The following FSTL5 variants were observed in gnomAD, a reference collection of about 807,000 sequenced individuals.
The protein encoded by FSTL5 is follistatin-related protein 5.
In FSTL5, 62 loss-of-function variants were observed where a neutral mutation model predicts 89.1. The observed-to-expected ratio is 0.70, with a 90% confidence interval of 0.57 to 0.86. The LOEUF (loss-of-function observed/expected upper bound fraction) is 0.86, where lower values mean the gene tolerates loss of function less well. FSTL5 is among the 40% of genes least tolerant of loss of function. The probability of loss-of-function intolerance (pLI) is 0.00; values close to 1 mark genes in which losing one functional copy is unlikely to be tolerated. For synonymous variants in FSTL5, 383 were observed against 346.2 expected, an observed-to-expected ratio of 1.11 and a Z score of -1.18; for missense variants, 1,057 against 1,001.6, an observed-to-expected ratio of 1.06 and a Z score of -0.75.
intron 4 of FSTL5, among the ~76,000 whole-genome samples, 181 bp downstream of exon 4, chr4:161,920,223 A>G (rs1027962520): frequency 1.3e-5 from 2 of 152,174 alleles, no homozygotes; most frequent in African/African-American, 2.4e-5. Context: ...TCATAACTGA[A>G]TATCAGAATT....
chr4:161,871,162 G>T (rs1191263773), intron 4 of FSTL5, among the ~76,000 whole-genome samples: 2 of 151,950 alleles, frequency 1.3e-5, no homozygotes, highest in African/African-American at 4.8e-5. Context: ...CTCTACTTCA[G>T]TTTATTTGTT....
intron 4 of FSTL5, among the ~76,000 whole-genome samples, chr4:161,817,311 G>A (rs1172431060): frequency 6.6e-6 from 1 of 152,120 alleles, no homozygotes; most frequent in East Asian, 1.9e-4. Flanking sequence ...ATACATTCAG[G>A]GTCAGTGATG....
In FSTL5 at chr4:161,702,024, T is replaced by G. The variant is rs562434339; in HGVS notation, c.728-45530A>C. On this transcript the variant is annotated intron_variant, in intron 6 of 15. Transcript: ENST00000306100. Reference sequence around the variant, plus strand: ...TTATTATGTACTTATTTAGTACACATTTAAACCCATTTCAAAGGGATATAA... The same window carrying G: ...TTATTATGTACTTATTTAGTACACAGTTAAACCCATTTCAAAGGGATATAA... 7.2e-5 allele frequency among the ~76,000 whole-genome samples: 11 copies of G among 152,232 alleles called. No individual in the cohort carries two copies. In the East Asian group the frequency reaches 1.9e-3, roughly 27 times the overall value.
chr4:161,683,776 G>A (rs1220815232), intron 6 of FSTL5, among the ~76,000 whole-genome samples: 1 of 152,064 alleles, frequency 6.6e-6, no homozygotes, highest in Non-Finnish European at 1.5e-5. Context: ...GGTTATTGGG[G>A]AATGGGTGGT....
At chr4:161,822,590 A>C (rs1730525060) in intron 4 of FSTL5, among the ~76,000 whole-genome samples, 1 of 152,238 alleles carries the variant, frequency 6.6e-6, no homozygotes, top group African/African-American at 2.4e-5. Flanking sequence ...CATGAACTGC[A>C]GAGCTGCAAA....
At chr4:161,409,139 A>C (rs1731500004) in intron 15 of FSTL5, among the ~76,000 whole-genome samples, 1 of 152,168 alleles carries the variant, frequency 6.6e-6, no homozygotes, top group African/African-American at 2.4e-5. Flanking sequence ...TGCAAAAGAA[A>C]AAACTCTTAA....
chr4:161,974,417 G>C (rs1249843323), intron 3 of FSTL5, among the ~76,000 whole-genome samples: 2 of 144,184 alleles, frequency 1.4e-5, no homozygotes, highest in African/African-American at 5.2e-5. Context: ...TAGATCAATG[G>C]AACAGAACAG....
intron 8 of FSTL5, among the ~76,000 whole-genome samples, chr4:161,570,993 A>G (rs562657083): frequency 2.0e-5 from 3 of 152,098 alleles, no homozygotes; most frequent in African/African-American, 7.2e-5. Context: ...GGGTGCATGT[A>G]GTCCCAGCTA....
intron 4 of FSTL5, among the ~76,000 whole-genome samples, chr4:161,809,840 A>AT (rs1560858350): frequency 6.6e-6 from 1 of 152,240 alleles, no homozygotes; most frequent in Non-Finnish European, 1.5e-5. Flanking sequence ...GAAGAAAATG[A>AT]TAAATTAATA....
chr4:161,549,304 G>T (rs1732117959), intron 8 of FSTL5, among the ~76,000 whole-genome samples: 1 of 151,134 alleles, frequency 6.6e-6, no homozygotes. Context: ...AAAATCAAAA[G>T]AATTATAAAA....
intron 4 of FSTL5, among the ~76,000 whole-genome samples, chr4:161,906,361 G>T (rs555852760): frequency 6.6e-6 from 1 of 152,268 alleles, no homozygotes; most frequent in Admixed American, 6.5e-5. Context: ...AAAAGATATG[G>T]TTTTGAAATA....
intron 7 of FSTL5, among the ~76,000 whole-genome samples, chr4:161,599,621 CAG>C (rs1734154506): frequency 6.6e-6 from 1 of 152,036 alleles, no homozygotes; most frequent in Non-Finnish European, 1.5e-5. Context: ...TAAATATATG[CAG>C]AGTCAGATTT....
intron 1 of FSTL5, among the ~76,000 whole-genome samples, chr4:162,123,634 G>A (rs1340585304): frequency 6.6e-6 from 1 of 152,050 alleles, no homozygotes; most frequent in African/African-American, 2.4e-5. Flanking sequence ...GACAAGAAGA[G>A]CTGAAACCCT....
chr4:161,529,587 T>C (rs1265116788), intron 10 of FSTL5, among the ~76,000 whole-genome samples: 1 of 142,414 alleles, frequency 7.0e-6, no homozygotes, highest in African/African-American at 2.5e-5. Context: ...GAAATACAAA[T>C]TGTTAATTTC....
At chr4:161,574,378 G>A (rs1462666249) in intron 8 of FSTL5, among the ~76,000 whole-genome samples, 2 of 149,404 alleles carry the variant, frequency 1.3e-5, no homozygotes, top group Non-Finnish European at 3.0e-5. Flanking sequence ...TAAGTTCTGG[G>A]ATACATGTGC....
intron 7 of FSTL5, among the ~76,000 whole-genome samples, chr4:161,597,276 G>C (rs978014700): frequency 2.6e-5 from 4 of 151,932 alleles, no homozygotes; most frequent in African/African-American, 9.7e-5. Flanking sequence ...AGCACCATTT[G>C]TTAAACAGGG....
intron 3 of FSTL5, among the ~76,000 whole-genome samples, chr4:161,954,375 A>T (rs1734974006): frequency 6.6e-6 from 1 of 151,636 alleles, no homozygotes; most frequent in Non-Finnish European, 1.5e-5. Context: ...TCCACAAAAA[A>T]TTATGGACAA....
intron 6 of FSTL5, among the ~76,000 whole-genome samples, chr4:161,678,106 C>T (rs1000975473): frequency 2.0e-5 from 3 of 151,578 alleles, no homozygotes; most frequent in Non-Finnish European, 4.4e-5. Context: ...GTGATGAATG[C>T]AATAATATAT....
At chr4:161,415,740 G>GAT (rs1266636939) in intron 15 of FSTL5, among the ~76,000 whole-genome samples, 1 of 139,806 alleles carries the variant, frequency 7.2e-6, no homozygotes, top group Non-Finnish European at 1.5e-5. Context: ...ATATATGTAT[G>GAT]ATATATATAC....
Sources: allele counts gnomAD v4.1 joint callset (sites outside exome capture counted in the v4.1 genomes callset), GRCh38; gene constraint gnomAD v4.1.1; transcripts MANE v1.5; gene names NCBI Gene and HGNC (gene_info 2026-07-23, HGNC 2026-07-21).